Variants in AFAP1L1 observed in about 807,000 individuals in gnomAD.
AFAP1L1 encodes the protein actin filament associated protein 1 like 1, also known as actin filament-associated protein 1-like 1.
In AFAP1L1, 77 loss-of-function variants were observed where a neutral mutation model predicts 99.8. The ratio of observed to expected loss-of-function variants is 0.77; its 90% CI spans 0.64 to 0.93. The LOEUF (loss-of-function observed/expected upper bound fraction) is 0.93. AFAP1L1 is among the 40% of genes least tolerant of loss of function. The pLI is 0.00. For missense variants in AFAP1L1, 893 were observed against 996.8 expected (o/e 0.90, Z 1.40); for synonymous variants, 373 against 395.3 (o/e 0.94, Z 0.67).
chr5:149,303,858 ACTG>A (rs1382545351), intron 5 of AFAP1L1, among the ~76,000 whole-genome samples: 2 of 152,224 alleles, frequency 1.3e-5, no homozygotes, highest in Admixed American at 1.3e-4. Flanking sequence ...GAATTTTTTT[ACTG>A]TGGTAAAATA....
intron 18 of AFAP1L1, among the ~76,000 whole-genome samples, chr5:149,339,112 T>C (rs927544332): frequency 1.3e-5 from 2 of 152,106 alleles, no homozygotes; most frequent in African/African-American, 4.8e-5. Context: ...AACTCTGCCA[T>C]TGTCGCATGA....
intron 1 of AFAP1L1, among the ~76,000 whole-genome samples, chr5:149,275,402 G>A (rs561843291): frequency 7.9e-5 from 12 of 152,222 alleles, no homozygotes; most frequent in South Asian, 6.2e-4. Flanking sequence ...ATGTCCCTTC[G>A]TGGCCTCTTC....
Position 149,306,375 on chromosome 5 carries a change from C to G in AFAP1L1, c.506C>G (p.Thr169Ser). Residue 169 changes from threonine (T) to serine (S), a missense_variant, in exon 6 of 19, where the codon ACC becomes AGC. Physicochemically the swap from Thr to Ser is moderately conservative, Grantham distance 58 (BLOSUM62 1). Transcript: ENST00000296721. ...YEDADSSYPA[T>S]RVNGELKSSY... ...GACGCAGACAGCAGCTACCCTGCAA[C>G]CAGGGTGAACGGCGAGCTTAAGAGC... 6.2e-7 allele frequency: 1 copy of G among 1,613,140 alleles called. No homozygotes were observed.
chr5:149,276,128 C>A (rs184043207), intron 1 of AFAP1L1, among the ~76,000 whole-genome samples: 11 of 152,344 alleles, frequency 7.2e-5, no homozygotes, highest in Admixed American at 2.6e-4. Flanking sequence ...AGCCTTAGAG[C>A]AGAACCTAGA....
At chr5:149,333,930 T>C (rs544692917) in intron 17 of AFAP1L1, among the ~76,000 whole-genome samples, 1 of 152,384 alleles carries the variant, frequency 6.6e-6, no homozygotes, top group African/African-American at 2.4e-5. Context: ...TATATATATT[T>C]GTGTCCTTGC....
intron 1 of AFAP1L1, among the ~76,000 whole-genome samples, chr5:149,279,406 C>A (rs538706328): frequency 2.3e-3 from 355 of 151,272 alleles, no homozygotes; most frequent in Non-Finnish European, 4.3e-3. Flanking sequence ...ACGTAAAATT[C>A]AAGAAGCTTT....
chr5:149,274,208 A>T (rs1197274194), intron 1 of AFAP1L1, among the ~76,000 whole-genome samples: 2 of 152,202 alleles, frequency 1.3e-5, no homozygotes, highest in African/African-American at 2.4e-5. Flanking sequence ...ATCTATTGTG[A>T]TCAATCTGCT....
Position 149,312,093 on chromosome 5 carries a change from C to A in AFAP1L1, c.928-19C>A. 6.2e-7 allele frequency: 1 copy of A among 1,610,174 alleles called. No homozygotes were observed. Among genetic ancestry groups the A allele is most frequent in the Non-Finnish European group, 8.5e-7 (1 of 1,177,862 alleles). ...AGCTTCCCTGCCCACCCGTTCACAGCTGTGTGTCCTCTTCACAGGTCATCC... is the reference window on the plus strand; with the variant it reads ...AGCTTCCCTGCCCACCCGTTCACAGATGTGTGTCCTCTTCACAGGTCATCC... On this transcript the variant is annotated intron_variant, in intron 8 of 18. Transcript: ENST00000296721.
chr5:149,293,055 G>A (rs1407234715), intron 1 of AFAP1L1, among the ~76,000 whole-genome samples: 3 of 152,226 alleles, frequency 2.0e-5, no homozygotes, highest in African/African-American at 7.2e-5. Context: ...TAGTTCACAG[G>A]ATGAGGCTTG....
At chr5:149,317,113 C>T (rs555164246) in intron 11 of AFAP1L1, among the ~76,000 whole-genome samples, 1 of 152,048 alleles carries the variant, frequency 6.6e-6, no homozygotes, top group Non-Finnish European at 1.5e-5. Context: ...TGCAGTGAGC[C>T]GTGATAGAGA....
At chr5:149,332,651 T>G in intron 16 of AFAP1L1, 44 bp from the exon 17 acceptor site, 1 of 1,576,980 alleles carries the variant, frequency 6.3e-7, no homozygotes, top group Non-Finnish European at 8.6e-7. Flanking sequence ...CCCTGACATT[T>G]CAGGTCAGGT....
chr5:149,275,086 G>A lies in AFAP1L1; in HGVS notation c.16+3102G>A, dbSNP rs114002707. On this transcript the variant is annotated intron_variant, in intron 1 of 18. Transcript: ENST00000296721. ...CACATTGGTATTCACGATAATAACTGAAATCATCAAACTGTTGCCATGTGC... is the reference window on the plus strand; with the variant it reads ...CACATTGGTATTCACGATAATAACTAAAATCATCAAACTGTTGCCATGTGC... 4.6e-3 allele frequency among the ~76,000 whole-genome samples: 707 copies of A among 152,196 alleles called. 7 individuals carry two copies. The highest frequency in any genetic ancestry group is 0.016 in the African/African-American group (674 of 41,516).
At chr5:149,275,108 G>A (rs186395527) in intron 1 of AFAP1L1, among the ~76,000 whole-genome samples, 137 of 152,248 alleles carry the variant, frequency 9.0e-4, no homozygotes, top group Non-Finnish European at 1.5e-3. Context: ...CTGTTGCCAT[G>A]TGCCAGGCAC....
intron 5 of AFAP1L1, among the ~76,000 whole-genome samples, chr5:149,305,648 ATGGGAAGG>A (rs1340151271): frequency 6.6e-6 from 1 of 152,072 alleles, no homozygotes. Context: ...CCAGCTCCAA[ATGGGAAGG>A]TGTTGTGAAA....
rs1013127917 is a variant in AFAP1L1 at position 149,309,523 on chromosome 5, G to A, written c.748-433G>A. On this transcript the variant is annotated intron_variant, in intron 7 of 18. Transcript: ENST00000296721. ...GGCTCTGTTATGAAGGTAATACTGGGCTCATTAAAAAAATGGGGAAGTGAG... is the reference window on the plus strand; with the variant it reads ...GGCTCTGTTATGAAGGTAATACTGGACTCATTAAAAAAATGGGGAAGTGAG... 3.3e-5 allele frequency among the ~76,000 whole-genome samples: 5 copies of A among 151,874 alleles called. No homozygotes were observed. In the East Asian group the frequency reaches 9.7e-4, roughly 29 times the overall value.
At chr5:149,296,314 G>A (rs887963573) in intron 1 of AFAP1L1, among the ~76,000 whole-genome samples, 3 of 152,312 alleles carry the variant, frequency 2.0e-5, no homozygotes, top group East Asian at 3.9e-4. Flanking sequence ...GATTACAGGC[G>A]TGAGCCAACA....
intron 13 of AFAP1L1, 28 bp downstream of exon 13, chr5:149,319,755 T>G (rs1756900992): frequency 1.2e-6 from 2 of 1,608,440 alleles, no homozygotes; most frequent in Non-Finnish European, 8.5e-7. Flanking sequence ...TGGCCACACC[T>G]GCCCAGGACC....
At chr5:149,329,050 G>A (rs1757176289) in intron 15 of AFAP1L1, among the ~76,000 whole-genome samples, 1 of 152,012 alleles carries the variant, frequency 6.6e-6, no homozygotes, top group African/African-American at 2.4e-5. Flanking sequence ...AGAATCTCTG[G>A]AGATCTGAGT....
In AFAP1L1 at chr5:149,340,357, A is replaced by G. The variant is rs1175571311; in HGVS notation, c.*327A>G. 3.5e-6 allele frequency: 1 copy of G among 282,748 alleles called. No individual in the cohort carries two copies. The highest frequency in any genetic ancestry group is 2.1e-5 in the African/African-American group (1 of 47,444). The allele number at this position is 282,748 out of a possible 1,614,324, so 17.5% of individuals were successfully genotyped here. On this transcript the variant is annotated 3_prime_UTR_variant, in exon 19 of 19. Transcript: ENST00000296721. ...GGAAGGGAAGAAGTAATGAAAGCAC[A>G]TGTGAATAACCCCTTCCATCCCATT...
Sources: gnomAD v4.1 joint callset for allele counts (sites outside exome capture counted in the v4.1 genomes callset) on GRCh38, gnomAD v4.1.1 for gene constraint, MANE v1.5 for transcripts, NCBI Gene and HGNC (gene_info 2026-07-23, HGNC 2026-07-21) for gene names.